The following LYRM4 variants were observed in gnomAD, a reference collection of about 807,000 sequenced individuals.
LYRM4 encodes the protein LYR motif containing 4.
A neutral mutation model predicts 11.7 loss-of-function variants in LYRM4; 9 were observed. The observed-to-expected ratio is 0.77, with a 90% CI of 0.46 to 1.34. The LOEUF is 1.34. Among genes scored for constraint, LYRM4 ranks in the 40% most tolerant of loss-of-function variants. The pLI, the probability that LYRM4 is intolerant of heterozygous loss-of-function variation, is 0.00. For missense variants in LYRM4, 133 were observed against 112.5 expected (o/e 1.18, Z -0.82); for synonymous variants, 42 against 40.4 (o/e 1.04, Z -0.15).
At chr6:5,241,351 T>C (rs1316029802) in intron 1 of LYRM4, among the ~76,000 whole-genome samples, 1 of 152,246 alleles carries the variant, frequency 6.6e-6, no homozygotes, top group Non-Finnish European at 1.5e-5. Context: ...AAGCTACCTT[T>C]TCTTCTCAGT....
At chr6:5,046,221 A>C in the LYRM4 span, among the ~76,000 whole-genome samples, 4 of 151,788 alleles carry the variant, frequency 2.6e-5, no homozygotes, top group Admixed American at 6.6e-5. Flanking sequence ...ATCTCAGCTC[A>C]CTGCAAGCTC....
intron 2 of LYRM4, chr6:5,113,277 A>G (rs1475973274): frequency 6.8e-6 from 3 of 440,506 alleles, no homozygotes; most frequent in Non-Finnish European, 1.4e-5. Flanking sequence ...TACTAAAAAT[A>G]TATAGGCCAT....
At chr6:5,140,921 T>A (rs997118792) in intron 2 of LYRM4, among the ~76,000 whole-genome samples, 1 of 152,204 alleles carries the variant, frequency 6.6e-6, no homozygotes, top group African/African-American at 2.4e-5. Flanking sequence ...TTAAAAGCCT[T>A]CCAACTTGTT....
chr6:5,229,518 G>C (rs548828520), intron 1 of LYRM4, among the ~76,000 whole-genome samples: 1 of 152,288 alleles, frequency 6.6e-6, no homozygotes, highest in African/African-American at 2.4e-5. Context: ...GGGTGGTGCA[G>C]AATTTCTTCC....
intron 1 of LYRM4, among the ~76,000 whole-genome samples, chr6:5,244,914 C>T (rs1178430637): frequency 6.6e-6 from 1 of 150,626 alleles, no homozygotes; most frequent in Non-Finnish European, 1.5e-5. Flanking sequence ...TGGGGTTGGG[C>T]AGGCTGAGGG....
At chr6:5,119,941 T>C (rs1763346175) in intron 2 of LYRM4, among the ~76,000 whole-genome samples, 1 of 151,548 alleles carries the variant, frequency 6.6e-6, no homozygotes, top group African/African-American at 2.4e-5. Context: ...CGCTCTGTCA[T>C]CCAAGCTGGA....
chr6:5,101,095 T>A (rs1762485831), downstream of LYRM4, among the ~76,000 whole-genome samples: 13 of 152,140 alleles, frequency 8.5e-5, no homozygotes, highest in South Asian at 2.7e-3. Context: ...ACATCGCTGT[T>A]CCCTTGCATA....
At chr6:5,200,005 T>C (rs2127703346) in intron 2 of LYRM4, among the ~76,000 whole-genome samples, 1 of 152,340 alleles carries the variant, frequency 6.6e-6, no homozygotes, top group East Asian at 1.9e-4. Context: ...AAATTTTACA[T>C]ATGTCTTTCT....
chr6:5,035,274 T>C, the LYRM4 span, among the ~76,000 whole-genome samples: 5 of 152,142 alleles, frequency 3.3e-5, no homozygotes, highest in East Asian at 3.9e-4. Flanking sequence ...TTGAACTCTC[T>C]GTAGTTGCCT....
intron 2 of LYRM4, among the ~76,000 whole-genome samples, chr6:5,118,158 C>A (rs1474717880): frequency 2.0e-5 from 3 of 147,160 alleles, no homozygotes; most frequent in Non-Finnish European, 4.5e-5. Context: ...ATCCAGGCTG[C>A]AGTGCTGTGG....
chr6:5,167,538 A>T (rs1275529913), intron 2 of LYRM4, among the ~76,000 whole-genome samples: 1 of 152,226 alleles, frequency 6.6e-6, no homozygotes, highest in Non-Finnish European at 1.5e-5. Context: ...TTATATCCAT[A>T]ATAGCACTTC....
chr6:5,117,288 G>A (rs9502270), intron 2 of LYRM4, among the ~76,000 whole-genome samples: 4,630 of 152,324 alleles, frequency 0.03, 82 homozygotes, highest in Middle Eastern at 0.085. Context: ...GGGGCGCGGT[G>A]GCTCACGCCT....
At chr6:5,236,195 T>G (rs896595120) in intron 1 of LYRM4, 1 of 152,250 alleles carries the variant, frequency 6.6e-6, no homozygotes, top group Non-Finnish European at 1.5e-5. Flanking sequence ...CTGTGTGTGG[T>G]GGCTCATGCC....
intron 2 of LYRM4, among the ~76,000 whole-genome samples, chr6:5,150,699 C>T (rs2127639112): frequency 6.6e-6 from 1 of 152,324 alleles, no homozygotes; most frequent in South Asian, 2.1e-4. Context: ...TCAATCGAGC[C>T]TCCAGCTCTC....
At chr6:5,255,555 C>T (rs1030415589) in intron 1 of LYRM4, among the ~76,000 whole-genome samples, 3 of 151,694 alleles carry the variant, frequency 2.0e-5, no homozygotes, top group African/African-American at 4.9e-5. Context: ...TTTTTGGGGT[C>T]CTCAGTAATA....
intron 2 of LYRM4, among the ~76,000 whole-genome samples, chr6:5,174,348 A>T (rs1759598765): frequency 6.6e-6 from 1 of 152,170 alleles, no homozygotes; most frequent in African/African-American, 2.4e-5. Flanking sequence ...GTTACTAAGG[A>T]CAGTGTCACC....
At chr6:5,111,033 C>A (rs1299830709) in intron 2 of LYRM4, among the ~76,000 whole-genome samples, 1 of 152,154 alleles carries the variant, frequency 6.6e-6, no homozygotes, top group African/African-American at 2.4e-5. Context: ...TTCTGGACAA[C>A]CTGAAATAGC....
At chr6:5,115,126 A>T (rs1763060556) in intron 2 of LYRM4, among the ~76,000 whole-genome samples, 1 of 152,234 alleles carries the variant, frequency 6.6e-6, no homozygotes, top group African/African-American at 2.4e-5. Context: ...CCATATGATG[A>T]ACATTTAGAC....
At chr6:5,084,095 C>A in the LYRM4 span, among the ~76,000 whole-genome samples, 1 of 152,214 alleles carries the variant, frequency 6.6e-6, no homozygotes, top group African/African-American at 2.4e-5. Flanking sequence ...CATAGCAAGA[C>A]CCCTATCTCG....
Sources: gnomAD v4.1 joint callset for allele counts (sites outside exome capture counted in the v4.1 genomes callset) on GRCh38, gnomAD v4.1.1 for gene constraint, MANE v1.5 for transcripts, NCBI Gene and HGNC (gene_info 2026-07-23, HGNC 2026-07-21) for gene names.